The following SMARCD3 variants were observed in gnomAD, a reference collection of about 807,000 sequenced individuals.
SMARCD3 encodes the protein SWI/SNF related BAF chromatin remodeling complex subunit D3, also known as SWI/SNF-related matrix-associated actin-dependent regulator of chromatin subfamily D member 3.
Under a neutral mutation model 58.0 loss-of-function variants are expected in SMARCD3, and 14 were observed. The ratio of observed to expected loss-of-function variants is 0.24; its 90% CI spans 0.16 to 0.38. The LOEUF (loss-of-function observed/expected upper bound fraction) is 0.38, where lower values mean the gene tolerates loss of function less well. Ranked by LOEUF, SMARCD3 falls within the 10% of genes least tolerant of loss-of-function variation. The pLI, the probability that SMARCD3 is intolerant of heterozygous loss-of-function variation, is 1.00. For synonymous variants in SMARCD3, 253 were observed against 253.8 expected (o/e 1.00, Z 0.03); for missense variants, 408 against 636.9 (o/e 0.64, Z 3.87).
rs1458153758 is a variant in SMARCD3 at position 151,248,099 on chromosome 7, C to G, written c.78+386G>C. On this transcript the variant is annotated intron_variant, in intron 1 of 12. Transcript: ENST00000262188. This position sits in a 1 kb window ranked among gnomAD's most constrained non-coding sequence, Gnocchi z 6.1. ...CCAACGGATGAACAGACAGCCCAGC[C>G]CAGCCTCTGCCATGTCCCCATCCCC... Among the ~76,000 whole-genome samples, 1 of 152,146 alleles carries G rather than the reference C, an allele frequency of 6.6e-6. No individual in the cohort carries two copies. The highest frequency in any genetic ancestry group is 1.5e-5 in the Non-Finnish European group (1 of 68,008).
chr7:151,248,699 AG>A, upstream of SMARCD3: 2 of 1,368,274 alleles, frequency 1.5e-6, no homozygotes, highest in South Asian at 1.7e-5. The surrounding 1 kb of genome is among the most constrained non-coding windows in gnomAD (Gnocchi z 6.1). Flanking sequence ...CGGAGTGGGG[AG>A]GGGGCCCCTT....
Position 151,239,232 on chromosome 7 carries a change from G to A in SMARCD3, c.1399-76C>T, listed in dbSNP as rs982521170. 4.3e-5 allele frequency: 64 copies of A among 1,500,556 alleles called. No individual in the cohort carries two copies. Among genetic ancestry groups the A allele is most frequent in the Non-Finnish European group, 5.3e-5 (57 of 1,077,234 alleles). 93.0% of individuals were successfully genotyped at this position (1,500,556 alleles called of 1,614,324 possible). The stretch of plus-strand genomic sequence containing the variant: ...CAGGACAATCCCACCTACTGACACC[G>A]CCTGCCCTGAAAGAGCATCTGGGAG... On this transcript the variant is annotated intron_variant, in intron 12 of 12. Coordinates refer to ENST00000262188, the MANE Select transcript of SMARCD3 (RefSeq NM_001003801.2). This position sits in a 1 kb window ranked among gnomAD's most constrained non-coding sequence, Gnocchi z 7.0.
chr7:151,276,894 G>A (rs1282503385), upstream of SMARCD3, among the ~76,000 whole-genome samples: 3 of 118,186 alleles, frequency 2.5e-5, 1 homozygote. Flanking sequence ...TGCCAGGCAG[G>A]GAGGAGAAGG....
chr7:151,242,790 C>T lies in SMARCD3; in HGVS notation c.387G>A (p.Glu129=). 6.2e-7 allele frequency: 1 copy of T among 1,614,162 alleles called. No homozygotes were observed. The highest frequency in any genetic ancestry group is 1.1e-5 in the South Asian group (1 of 91,076). The change falls in exon 4 of 13, where the codon GAG becomes GAA. Residue 129 remains glutamate (E), a synonymous_variant. Transcript: ENST00000262188. The surrounding 1 kb of genome is among the most constrained non-coding windows in gnomAD (Gnocchi z 4.7). The part of the protein sequence containing the change: ...SQAYMDLLAF[E]RKLDQTIMRK... ...GCATGATGGTTTGATCCAGTTTCCT[C>T]TCAAATGCCAAGAGGTCCATGTAAG...
In SMARCD3 at chr7:151,241,086, A is replaced by G. The variant is rs1584864373; in HGVS notation, c.939+406T>C. 1 of 268,752 alleles carries G rather than the reference A, an allele frequency of 3.7e-6. No homozygotes were observed. The highest frequency in any genetic ancestry group is 9.2e-5 in the East Asian group (1 of 10,908). The allele number at this position is 268,752 out of a possible 1,614,324, so 16.6% of individuals were successfully genotyped here. On this transcript the variant is annotated intron_variant, in intron 8 of 12. Coordinates refer to ENST00000262188, the MANE Select transcript of SMARCD3 (RefSeq NM_001003801.2). This position sits in a 1 kb window ranked among gnomAD's most constrained non-coding sequence, Gnocchi z 5.3. ...AGCAATTTGATTTTCCTAACTGCCC[A>G]GGAGAGTAGATAGGACAGGTATTGT...
upstream of SMARCD3, among the ~76,000 whole-genome samples, chr7:151,253,406 G>A (rs556956255): frequency 2.0e-5 from 3 of 152,300 alleles, no homozygotes; most frequent in South Asian, 6.2e-4. Flanking sequence ...AGACAGCAGG[G>A]TGGGCCTTAC....
intron 2 of SMARCD3, chr7:151,274,973 G>T (rs775647672): frequency 1.5e-6 from 1 of 664,918 alleles, no homozygotes; most frequent in Non-Finnish European, 2.7e-6. Flanking sequence ...GAGAGGCCCT[G>T]CCATGGGCAC....
exon 2 of SMARCD3, chr7:151,275,163 G>A: frequency 6.2e-7 from 1 of 1,611,420 alleles, no homozygotes; most frequent in Non-Finnish European, 8.5e-7. Flanking sequence ...AGATGGCAGG[G>A]TCCTGCACCT....
At chr7:151,262,785 G>A (rs1335493289) in intron 2 of SMARCD3, among the ~76,000 whole-genome samples, 3 of 152,232 alleles carry the variant, frequency 2.0e-5, no homozygotes, top group Admixed American at 6.5e-5. Flanking sequence ...AGCCCCAACT[G>A]GGTGGGATGC....
chr7:151,262,255 A>AT (rs1181295569), intron 2 of SMARCD3, among the ~76,000 whole-genome samples: 2 of 152,036 alleles, frequency 1.3e-5, no homozygotes, highest in East Asian at 1.9e-4. Flanking sequence ...CAATTTTTAA[A>AT]TTTTTTTGTA....
Position 151,245,576 on chromosome 7 carries a change from G to A in SMARCD3, c.174C>T (p.Pro58=). ...SPYMGSPAVR[P]GLAPAGMEPA... ...GCTCCATGCCCGCGGGGGCCAGGCC[G>A]GGTCGCACGGCGGGGCTGCCCATGT... The change falls in exon 2 of 13, where the codon CCC becomes CCT. Residue 58 remains proline (P), a synonymous_variant. Transcript: ENST00000262188. The surrounding 1 kb of genome is among the most constrained non-coding windows in gnomAD (Gnocchi z 6.2). The A allele has an allele frequency of 8.6e-7, 1 of 1,165,710 alleles. No individual in the cohort carries two copies. Among genetic ancestry groups the A allele is most frequent in the Non-Finnish European group, 1.1e-6 (1 of 928,574 alleles). The allele number at this position is 1,165,710 out of a possible 1,614,324, so 72.2% of individuals were successfully genotyped here. A position where few individuals can be genotyped will look rare whatever the true frequency, so the allele number is the denominator to read the frequency against.
Position 151,242,191 on chromosome 7 carries a change from A to G in SMARCD3, c.621T>C (p.Ser207=). Residue 207 remains serine, a synonymous_variant, in exon 6 of 13, where the codon AGT becomes AGC. Coordinates refer to ENST00000262188, the MANE Select transcript of SMARCD3 (RefSeq NM_001003801.2). The surrounding 1 kb of genome is among the most constrained non-coding windows in gnomAD (Gnocchi z 4.7). ...QKRKFSSFFK[S]LVIELDKDLY... ...GATCTTTGTCCAGCTCGATGACCAA[A>G]CTCTTGAAGAAAGAAGAGAACTTCC... is the stretch of plus-strand genomic sequence containing the variant. 5.0e-6 allele frequency: 8 copies of G among 1,613,916 alleles called. No homozygotes were observed. Among genetic ancestry groups the G allele is most frequent in the Non-Finnish European group, 6.8e-6 (8 of 1,179,962 alleles).
At chr7:151,253,628 A>T (rs1050685529), upstream of SMARCD3, among the ~76,000 whole-genome samples, 1 of 151,892 alleles carries the variant, frequency 6.6e-6, no homozygotes, top group Non-Finnish European at 1.5e-5. Context: ...GGCCACAGGG[A>T]AGGCACATTT....
chr7:151,262,004 C>A lies in SMARCD3; in HGVS notation c.39+13110G>T, dbSNP rs564268956. On this transcript the variant is annotated intron_variant, in intron 2 of 13. Coordinates refer to the SMARCD3 transcript ENST00000356800. Reference sequence around the variant, plus strand: ...CTGTGGGAAGCCTGTGGCCCCGCAACTGAGCTGTGGGGGCTGCAGCTTGGG... The same window carrying A: ...CTGTGGGAAGCCTGTGGCCCCGCAAATGAGCTGTGGGGGCTGCAGCTTGGG... Among the ~76,000 whole-genome samples, 485 of 152,186 alleles carry A rather than the reference C, an allele frequency of 3.2e-3. 1 individual carries two copies. Among genetic ancestry groups the A allele is most frequent in the Non-Finnish European group, 4.6e-3 (314 of 68,024 alleles).
intron 2 of SMARCD3, among the ~76,000 whole-genome samples, chr7:151,271,656 A>G (rs148578945): frequency 1.0e-3 from 153 of 152,276 alleles, no homozygotes; most frequent in African/African-American, 3.6e-3. Flanking sequence ...GTAAATATCA[A>G]TATAGAGAGT....
At chr7:151,269,664 T>A (rs1283060343) in intron 2 of SMARCD3, among the ~76,000 whole-genome samples, 1 of 152,078 alleles carries the variant, frequency 6.6e-6, no homozygotes, top group Non-Finnish European at 1.5e-5. Context: ...GGCTGGGACC[T>A]GCAACCAAGG....
Position 151,242,148 on chromosome 7 carries a change from G to A in SMARCD3, c.664C>T (p.His222Tyr), listed in dbSNP as rs1803025773. ...GCTCTTGGTCTTACCTCAACGAGGT[G>A]GTTGTCAGGGCCATAAAGATCTTTG... ...LDKDLYGPDN[H>Y]LVEWHRTPTT... The change falls in exon 6 of 13, where the codon CAC (histidine) becomes TAC (tyrosine). Residue 222 changes from histidine (H) to tyrosine (Y), a missense_variant. His to Tyr is a moderately conservative substitution (Grantham distance 83). Coordinates refer to ENST00000262188, the MANE Select transcript of SMARCD3 (RefSeq NM_001003801.2). The surrounding 1 kb of genome is among the most constrained non-coding windows in gnomAD (Gnocchi z 4.7). 6.2e-7 allele frequency: 1 copy of A among 1,611,986 alleles called. No homozygotes were observed. Among genetic ancestry groups the A allele is most frequent in the Non-Finnish European group, 8.5e-7 (1 of 1,178,032 alleles).
chr7:151,269,379 G>A (rs1047065387), intron 2 of SMARCD3, among the ~76,000 whole-genome samples: 16 of 152,130 alleles, frequency 1.1e-4, no homozygotes, highest in Admixed American at 5.9e-4. Flanking sequence ...TTCAGCTGCC[G>A]GCCCACCCTG....
chr7:151,248,753 G>T, upstream of SMARCD3: 1 of 1,071,296 alleles, frequency 9.3e-7, no homozygotes, highest in Non-Finnish European at 1.2e-6. This position sits in a 1 kb window ranked among gnomAD's most constrained non-coding sequence, Gnocchi z 6.1. Flanking sequence ...GCCGCCGCCC[G>T]CCCGCCGCCG....
Sources: gnomAD v4.1 joint callset for allele counts (sites outside exome capture counted in the v4.1 genomes callset) on GRCh38, gnomAD v4.1.1 for gene constraint, Gnocchi (gnomAD v3.1) non-coding constraint, MANE v1.5 for transcripts, NCBI Gene and HGNC (gene_info 2026-07-23, HGNC 2026-07-21) for gene names.